PDE7B: variants seen among roughly 807,000 people sequenced by gnomAD.
The protein encoded by PDE7B is 3',5'-cyclic-AMP phosphodiesterase 7B.
In PDE7B, 29 loss-of-function variants were observed where a neutral mutation model predicts 56.2. The observed-to-expected ratio is 0.52, with a 90% confidence interval of 0.38 to 0.70. The LOEUF is 0.70. Ranked by LOEUF, PDE7B falls within the 30% of genes least tolerant of loss-of-function variation. The pLI, the probability that PDE7B is intolerant of heterozygous loss-of-function variation, is 0.00. For missense variants in PDE7B, 490 were observed against 565.0 expected, an observed-to-expected ratio of 0.87 and a Z score of 1.35; for synonymous variants, 197 against 196.9, an observed-to-expected ratio of 1.00 and a Z score of 0.00.
rs534498120 is a variant in PDE7B at position 136,146,575 on chromosome 6, G to A, written c.167-776G>A. On this transcript the variant is annotated intron_variant, in intron 3 of 12. Coordinates refer to ENST00000308191, the MANE Select transcript of PDE7B (RefSeq NM_018945.4). ...GATTCCTTTGCCAATTATGTTCCTG[G>A]AATATTAGAAACCATTTCCTCATGT... Among the ~76,000 whole-genome samples, 125 of 152,196 alleles carry A rather than the reference G, an allele frequency of 8.2e-4. 1 individual carries two copies. The highest frequency in any genetic ancestry group is 1.5e-3 in the Non-Finnish European group (102 of 68,016).
At chr6:135,955,344 G>A (rs1008306421) in intron 2 of PDE7B, among the ~76,000 whole-genome samples, 1 of 152,048 alleles carries the variant, frequency 6.6e-6, no homozygotes, top group African/African-American at 2.4e-5. Context: ...GTAAGGAGCT[G>A]AGTGTCAAAG....
chr6:136,152,571 C>T (rs141461905), intron 6 of PDE7B, among the ~76,000 whole-genome samples: 312 of 152,324 alleles, frequency 2.0e-3, no homozygotes, highest in African/African-American at 7.1e-3. Context: ...CATCTTTCCA[C>T]TGAACTCCAT....
intron 1 of PDE7B, among the ~76,000 whole-genome samples, chr6:135,947,052 G>T (rs894992539): frequency 6.6e-6 from 1 of 152,072 alleles, no homozygotes; most frequent in Non-Finnish European, 1.5e-5. Flanking sequence ...CTTTATGTTT[G>T]ATAGTATCTG....
chr6:135,999,291 G>T (rs1009586196), intron 2 of PDE7B, among the ~76,000 whole-genome samples: 3 of 151,950 alleles, frequency 2.0e-5, no homozygotes, highest in Non-Finnish European at 4.4e-5. Flanking sequence ...TAGGTTCTGG[G>T]GTACATGTGC....
intron 3 of PDE7B, among the ~76,000 whole-genome samples, chr6:136,136,415 A>T (rs1391395301): frequency 3.3e-5 from 5 of 152,138 alleles, no homozygotes; most frequent in Non-Finnish European, 5.9e-5. Flanking sequence ...CTTACAGCAT[A>T]ATAAGAAAGT....
At chr6:136,037,251 A>G (rs1299407951) in intron 2 of PDE7B, among the ~76,000 whole-genome samples, 1 of 152,234 alleles carries the variant, frequency 6.6e-6, no homozygotes, top group East Asian at 1.9e-4. Flanking sequence ...CCTGAGCCAC[A>G]TATCCAGGCT....
intron 1 of PDE7B, among the ~76,000 whole-genome samples, chr6:135,929,782 C>G (rs184420025): frequency 6.6e-6 from 1 of 152,124 alleles, no homozygotes; most frequent in Non-Finnish European, 1.5e-5. Flanking sequence ...TTTGACAGAA[C>G]AGTGGAGGTT....
At chr6:135,985,859 C>A (rs1469751419) in intron 2 of PDE7B, among the ~76,000 whole-genome samples, 3 of 152,178 alleles carry the variant, frequency 2.0e-5, no homozygotes, top group Non-Finnish European at 4.4e-5. Flanking sequence ...GTATACAGTG[C>A]CACTGAGACC....
At chr6:136,113,501 C>T (rs948355145) in intron 3 of PDE7B, among the ~76,000 whole-genome samples, 19 of 152,256 alleles carry the variant, frequency 1.2e-4, no homozygotes, top group African/African-American at 3.4e-4. Context: ...GTGGCCTCAG[C>T]ACTGTTTGTG....
Position 136,187,078 on chromosome 6 carries a change from G to T in PDE7B, c.1088G>T (p.Cys363Phe). Residue 363 changes from cysteine to phenylalanine, a missense_variant, in exon 12 of 13, where the codon TGT (cysteine) becomes TTT (phenylalanine). Cys to Phe is a radical substitution (Grantham distance 205, BLOSUM62 -2). Coordinates refer to ENST00000308191, the MANE Select transcript of PDE7B (RefSeq NM_018945.4). ...QKFELEISPLCNQQKDSIPSI... is the reference protein window; with the variant it reads ...QKFELEISPLFNQQKDSIPSI... ...TTTGAACTGGAAATCAGTCCTCTTT[G>T]TAATCAACAGAAAGATTCCATCCCT... is the stretch of plus-strand genomic sequence containing the variant. The T allele has an allele frequency of 6.3e-7, 1 of 1,587,880 alleles. No homozygotes were observed. The highest frequency in any genetic ancestry group is 1.1e-5 in the South Asian group (1 of 89,708).
At chr6:135,966,141 A>C (rs1724743495) in intron 2 of PDE7B, among the ~76,000 whole-genome samples, 1 of 152,158 alleles carries the variant, frequency 6.6e-6, no homozygotes. Context: ...TCAACTAGAG[A>C]ACATACCACT....
At chr6:135,872,096 C>T (rs1775393434) in intron 1 of PDE7B, among the ~76,000 whole-genome samples, 2 of 152,168 alleles carry the variant, frequency 1.3e-5, no homozygotes, top group South Asian at 4.1e-4. Context: ...ACAGATGCCT[C>T]AGTGAGTTGT....
At chr6:136,024,047 T>C (rs1283084389) in intron 2 of PDE7B, among the ~76,000 whole-genome samples, 2 of 152,146 alleles carry the variant, frequency 1.3e-5, no homozygotes. Flanking sequence ...CATCCTTTGA[T>C]GGTGATCTAG....
rs267600826 is a variant in PDE7B, at chr6:136,187,100, C to A, written c.1110C>A (p.Ile370=). The A allele has an allele frequency of 1.9e-6, 3 of 1,554,140 alleles. No individual in the cohort carries two copies. ...SPLCNQQKDS[I]PSIQIGFMSY... is the part of the protein sequence containing the mutation. ...TTTGTAATCAACAGAAAGATTCCAT[C>A]CCTAGTATACAAATTGGTGAGTTGA... Residue 370 remains isoleucine, a synonymous_variant, in exon 12 of 13, where the codon ATC becomes ATA. Transcript: ENST00000308191.
Position 136,193,623 on chromosome 6 carries a change from A to AAAC in PDE7B, c.*1786_*1788dup, listed in dbSNP as rs1779265064. ...GTTGATGCCCCTTTCTTTTTACTTT[A>AAAC]AACAATGTGGTAGTGGGAGAATGAC... On this transcript the variant is annotated 3_prime_UTR_variant, in exon 13 of 13. Transcript: ENST00000308191. The AAAC allele has an allele frequency of 6.6e-6, 1 of 152,224 alleles. No homozygotes were observed. The highest frequency in any genetic ancestry group is 6.5e-5 in the Admixed American group (1 of 15,282). 9.4% of individuals were successfully genotyped at this position (152,224 alleles called of 1,614,324 possible). A position where few individuals can be genotyped will look rare whatever the true frequency, so the allele number is the denominator to read the frequency against.
intron 2 of PDE7B, among the ~76,000 whole-genome samples, chr6:136,008,714 A>G (rs1472372021): frequency 2.0e-5 from 3 of 152,056 alleles, no homozygotes; most frequent in Non-Finnish European, 4.4e-5. Context: ...GTTGGAGTTC[A>G]TTGTAGATTC....
chr6:135,948,382 T>G (rs986785237), intron 2 of PDE7B, among the ~76,000 whole-genome samples: 5 of 152,002 alleles, frequency 3.3e-5, no homozygotes, highest in Non-Finnish European at 5.9e-5. Flanking sequence ...TTGAACTATA[T>G]TAATAAGCAA....
intron 1 of PDE7B, among the ~76,000 whole-genome samples, chr6:135,859,906 G>A (rs1026173266): frequency 6.6e-6 from 1 of 151,812 alleles, no homozygotes; most frequent in African/African-American, 2.4e-5. Flanking sequence ...TTGTGTGAAA[G>A]GAGAAAAGGA....
intron 2 of PDE7B, among the ~76,000 whole-genome samples, chr6:136,017,405 A>G (rs545547448): frequency 7.9e-5 from 12 of 152,136 alleles, no homozygotes; most frequent in Non-Finnish European, 1.8e-4. Context: ...GGTTTGTTAC[A>G]TATGTATACA....
Sources: gnomAD v4.1 joint callset for allele counts (sites outside exome capture counted in the v4.1 genomes callset) on GRCh38, gnomAD v4.1.1 for gene constraint, MANE v1.5 for transcripts, NCBI Gene and HGNC (gene_info 2026-07-23, HGNC 2026-07-21) for gene names.